The following STPG1 variants were observed in gnomAD, a reference collection of about 807,000 sequenced individuals.
STPG1 encodes the protein O(6)-methylguanine-induced apoptosis 2.
STPG1 carries 33 observed loss-of-function variants against 40.1 expected under a neutral mutation model. That is an observed-to-expected ratio of 0.82 (90% confidence interval 0.62 to 1.10). The LOEUF is 1.10. Ranked by LOEUF, STPG1 falls within the 50% of genes least tolerant of loss-of-function variation. The pLI is 0.00. For synonymous variants in STPG1, 150 were observed against 155.0 expected (o/e 0.97, Z 0.24); for missense variants, 396 against 415.1 (o/e 0.95, Z 0.40).
chr1:24,379,437 T>A (rs1316332370), intron 5 of STPG1: 4 of 558,260 alleles, frequency 7.2e-6, no homozygotes, highest in African/African-American at 5.7e-5. Flanking sequence ...TCCCCACAGC[T>A]TGATACTGGC....
At chr1:24,412,539 C>T (rs1298519995) in intron 1 of STPG1, among the ~76,000 whole-genome samples, 1 of 152,148 alleles carries the variant, frequency 6.6e-6, no homozygotes, top group Admixed American at 6.5e-5. Flanking sequence ...AACTCTGAAT[C>T]TTCAGTCTAT....
chr1:24,357,223 G>C lies in STPG1; in HGVS notation c.*1320C>G, dbSNP rs922034540. 11 of 152,262 alleles carry C rather than the reference G, an allele frequency of 7.2e-5. No homozygotes were observed. Among genetic ancestry groups the C allele is most frequent in the African/African-American group, 2.4e-4 (10 of 41,472 alleles). 9.4% of individuals were successfully genotyped at this position (152,262 alleles called of 1,614,324 possible). A position where few individuals can be genotyped will look rare whatever the true frequency, so the allele number is the denominator to read the frequency against. On this transcript the variant is annotated 3_prime_UTR_variant, in exon 9 of 9. Transcript: ENST00000337248. ...GCCCAGGCGAGGCCTCACTGTGGCT[G>C]TGACGCACCCTTGATGTCAGAACGA...
chr1:24,391,827 TTA>T, intron 2 of STPG1, 148 bp from the exon 3 acceptor site: 1 of 1,229,170 alleles, frequency 8.1e-7, no homozygotes, highest in Non-Finnish European at 1.0e-6. Flanking sequence ...CGAAACCGGA[TTA>T]AAAAAAAAAT....
intron 3 of STPG1, among the ~76,000 whole-genome samples, chr1:24,390,659 T>G (rs148201604): frequency 0.011 from 1,682 of 152,282 alleles, 45 homozygotes; most frequent in African/African-American, 0.039. Flanking sequence ...CCTCAGGTGA[T>G]CTGTCTACCT....
In STPG1 at chr1:24,359,065, A is replaced by C. The variant is rs1183455595; in HGVS notation, c.929-446T>G. ...TGTAGCCCCAGGTGACCAGAAACTC[A>C]TGTTGATACTGACTTGGTTAATGAG... is the stretch of plus-strand genomic sequence containing the variant. On this transcript the variant is annotated intron_variant, in intron 8 of 8. Coordinates refer to ENST00000337248, the MANE Select transcript of STPG1 (RefSeq NM_001199013.2). This position sits in a 1 kb window ranked among gnomAD's most constrained non-coding sequence, Gnocchi z 5.3. Among the ~76,000 whole-genome samples, 1 of 152,170 alleles carries C rather than the reference A, an allele frequency of 6.6e-6. No individual in the cohort carries two copies. The highest frequency in any genetic ancestry group is 1.5e-5 in the Non-Finnish European group (1 of 68,022).
intron 1 of STPG1, among the ~76,000 whole-genome samples, chr1:24,413,092 A>T (rs923862355): frequency 6.6e-6 from 1 of 152,226 alleles, no homozygotes; most frequent in South Asian, 2.1e-4. Context: ...TCTTGGAAGC[A>T]GCTTACATTT....
intron 7 of STPG1, among the ~76,000 whole-genome samples, chr1:24,367,798 G>C (rs1306571173): frequency 1.3e-5 from 2 of 152,324 alleles, no homozygotes; most frequent in East Asian, 3.9e-4. Flanking sequence ...ACAGGCGTGA[G>C]TCACCATGCC....
rs748457981 is a variant in STPG1, at chr1:24,358,526, G to A, written c.*17C>T. On this transcript the variant is annotated 3_prime_UTR_variant, in exon 9 of 9. Transcript: ENST00000337248. ...TGGGCTGGTGGCTGGAGTTCTCCTT[G>A]ACCTTGTGTGACATCCCTACAGAAC... 6.2e-7 allele frequency: 1 copy of A among 1,606,624 alleles called. No homozygotes were observed. Among genetic ancestry groups the A allele is most frequent in the Non-Finnish European group, 8.5e-7 (1 of 1,173,114 alleles).
intron 5 of STPG1, among the ~76,000 whole-genome samples, chr1:24,377,777 G>GT (rs1239690552): frequency 1.3e-5 from 2 of 152,168 alleles, no homozygotes; most frequent in African/African-American, 4.8e-5. Flanking sequence ...CTGGAATGAG[G>GT]TGACTTTGAT....
chr1:24,369,616 T>C, intron 7 of STPG1, 58 bp downstream of exon 7: 3 of 1,530,676 alleles, frequency 2.0e-6, no homozygotes, highest in Non-Finnish European at 2.7e-6. Flanking sequence ...TTTCTCTATG[T>C]TGGGCTTCTT....
At chr1:24,410,883 G>A (rs1470581523) in intron 1 of STPG1, 2 of 152,206 alleles carry the variant, frequency 1.3e-5, no homozygotes, top group Admixed American at 6.5e-5. Flanking sequence ...CGATTCCTAC[G>A]TGGGGGCCAG....
At chr1:24,389,230 CT>C (rs780673073) in intron 3 of STPG1, among the ~76,000 whole-genome samples, 1 of 152,158 alleles carries the variant, frequency 6.6e-6, no homozygotes, top group East Asian at 1.9e-4. Context: ...AGTGAGCCGG[CT>C]TGCTTTCTGA....
chr1:24,363,192 C>T (rs1448567431), intron 7 of STPG1, among the ~76,000 whole-genome samples: 2 of 152,220 alleles, frequency 1.3e-5, no homozygotes, highest in African/African-American at 4.8e-5. Context: ...CTGCAGAAGG[C>T]TGGAGCACGC....
chr1:24,409,731 G>A (rs567806556), intron 1 of STPG1, among the ~76,000 whole-genome samples: 1 of 152,300 alleles, frequency 6.6e-6, no homozygotes, highest in South Asian at 2.1e-4. Flanking sequence ...CATTCAAGCT[G>A]TATTTGCTAC....
At chr1:24,376,613 AG>A (rs2148692454) in intron 5 of STPG1, among the ~76,000 whole-genome samples, 1 of 152,316 alleles carries the variant, frequency 6.6e-6, no homozygotes, top group East Asian at 1.9e-4. Context: ...ACTGCATCCC[AG>A]GACCTGTGCT....
chr1:24,385,074 GTCTCCAA>G (rs1249764856), intron 3 of STPG1, among the ~76,000 whole-genome samples: 1 of 152,142 alleles, frequency 6.6e-6, no homozygotes, highest in Non-Finnish European at 1.5e-5. Context: ...AGAGCTTGCT[GTCTCCAA>G]TCTCTGCCAC....
chr1:24,365,262 C>A (rs577654898), intron 7 of STPG1, among the ~76,000 whole-genome samples: 3 of 152,272 alleles, frequency 2.0e-5, no homozygotes, highest in Admixed American at 2.0e-4. Context: ...CTGTGCAAAT[C>A]CAGTGGCTTA....
intron 1 of STPG1, among the ~76,000 whole-genome samples, chr1:24,404,354 A>C (rs530035344): frequency 6.6e-6 from 1 of 152,320 alleles, no homozygotes; most frequent in Non-Finnish European, 1.5e-5. Context: ...GGATTTTTGC[A>C]TCTGTGTTTA....
chr1:24,383,781 TCTC>T, intron 4 of STPG1, 118 bp downstream of exon 4: 1 of 678,078 alleles, frequency 1.5e-6, no homozygotes, highest in Non-Finnish European at 2.6e-6. Context: ...AGGCAGTTAC[TCTC>T]CTAATTAGAA....
Sources: allele counts gnomAD v4.1 joint callset (sites outside exome capture counted in the v4.1 genomes callset), GRCh38; gene constraint gnomAD v4.1.1; non-coding constraint Gnocchi (gnomAD v3.1); transcripts MANE v1.5; gene names NCBI Gene and HGNC (gene_info 2026-07-23, HGNC 2026-07-21).